CSMD2: variants seen among roughly 807,000 people sequenced by gnomAD.
CSMD2 encodes the protein CUB and sushi domain-containing protein 2.
Under a neutral mutation model 398.5 loss-of-function variants are expected in CSMD2, and 130 were observed. The observed-to-expected ratio is 0.33, with a 90% CI of 0.28 to 0.38. The LOEUF (loss-of-function observed/expected upper bound fraction) is 0.38. Among genes scored for constraint, CSMD2 ranks in the 10% least tolerant of loss-of-function variants. The pLI, the probability that CSMD2 is intolerant of heterozygous loss-of-function variation, is 1.00. For synonymous variants in CSMD2, 1,828 were observed against 1,908.5 expected (o/e 0.96, Z 1.10); for missense variants, 3,829 against 4,764.9 (o/e 0.80, Z 5.78).
At chr1:33,973,629 G>A (rs1159668210) in intron 3 of CSMD2, among the ~76,000 whole-genome samples, 1 of 152,182 alleles carries the variant, frequency 6.6e-6, no homozygotes, top group African/African-American at 2.4e-5. Flanking sequence ...GCCTGTTAGT[G>A]CAGGAAAATG....
At chr1:33,890,385 C>T (rs560018840) in intron 5 of CSMD2, among the ~76,000 whole-genome samples, 2 of 151,942 alleles carry the variant, frequency 1.3e-5, no homozygotes, top group South Asian at 2.1e-4. Flanking sequence ...CGTCTGCCAC[C>T]ACGCCTGGCT....
chr1:33,953,675 G>A (rs74807359), intron 3 of CSMD2, among the ~76,000 whole-genome samples: 1,586 of 152,236 alleles, frequency 0.01, 16 homozygotes, highest in Non-Finnish European at 0.017. Context: ...ACAGGCCCCC[G>A]AGTTCAGGCA....
At chr1:33,645,372 C>T (rs1465913568) in intron 29 of CSMD2, among the ~76,000 whole-genome samples, 2 of 151,076 alleles carry the variant, frequency 1.3e-5, no homozygotes, top group African/African-American at 4.9e-5. Flanking sequence ...CACACACACA[C>T]ACACACACAC....
At chr1:34,008,885 G>T (rs1647150421) in intron 3 of CSMD2, among the ~76,000 whole-genome samples, 1 of 152,140 alleles carries the variant, frequency 6.6e-6, no homozygotes, top group African/African-American at 2.4e-5. Context: ...ATGAATGAAT[G>T]AATGTTGATT....
At chr1:34,143,157 AT>A (rs1639459817) in intron 1 of CSMD2, among the ~76,000 whole-genome samples, 1 of 152,046 alleles carries the variant, frequency 6.6e-6, no homozygotes, top group African/African-American at 2.4e-5. Context: ...GAATATGATA[AT>A]CATATAAAAA....
chr1:33,952,529 G>T (rs1645038006), intron 3 of CSMD2, among the ~76,000 whole-genome samples: 1 of 152,038 alleles, frequency 6.6e-6, no homozygotes, highest in Non-Finnish European at 1.5e-5. Context: ...CAGCTATTCT[G>T]CCTCACCACC....
intron 13 of CSMD2, among the ~76,000 whole-genome samples, chr1:33,756,514 T>C (rs74465818): frequency 0.025 from 3,791 of 152,272 alleles, 50 homozygotes; most frequent in South Asian, 0.03. Flanking sequence ...TGGACTGTGG[T>C]CTGATGATAA....
intron 25 of CSMD2, among the ~76,000 whole-genome samples, chr1:33,675,947 T>C (rs950211089): frequency 6.6e-6 from 1 of 152,216 alleles, no homozygotes; most frequent in Non-Finnish European, 1.5e-5. Context: ...TAGGTATTGA[T>C]GGGACGTATC....
chr1:34,126,471 C>A (rs144880641), intron 1 of CSMD2, among the ~76,000 whole-genome samples: 1 of 152,348 alleles, frequency 6.6e-6, no homozygotes, highest in African/African-American at 2.4e-5. Context: ...GGTGGCACAG[C>A]TGAAGCATTT....
At chr1:33,747,385 G>A (rs1199103390) in intron 13 of CSMD2, among the ~76,000 whole-genome samples, 1 of 152,182 alleles carries the variant, frequency 6.6e-6, no homozygotes, top group Admixed American at 6.5e-5. Context: ...AAGGAGATAT[G>A]CTAATTTGCT....
At chr1:33,772,914 A>AT (rs1274551884) in intron 12 of CSMD2, among the ~76,000 whole-genome samples, 163 bp from the exon 13 acceptor site, 1 of 152,192 alleles carries the variant, frequency 6.6e-6, no homozygotes, top group Non-Finnish European at 1.5e-5. Context: ...GGTTTGTGAG[A>AT]AATCCTGCAA....
intron 12 of CSMD2, among the ~76,000 whole-genome samples, chr1:33,785,057 G>A (rs1247855539): frequency 6.6e-6 from 1 of 152,202 alleles, no homozygotes; most frequent in Non-Finnish European, 1.5e-5. Context: ...TAAACACCCA[G>A]ACTGTCCTTC....
chr1:33,542,978 C>A lies in CSMD2; in HGVS notation c.9101-82G>T. On this transcript the variant is annotated intron_variant, in intron 57 of 70. Coordinates refer to ENST00000373381, the MANE Select transcript of CSMD2 (RefSeq NM_001281956.2). ...GACTGATAACTGCCCAGAGTGGAAG[C>A]CACATGCTACCTCGGGACCTCGTGG... is the stretch of plus-strand genomic sequence containing the variant. The A allele has an allele frequency of 2.6e-6, 3 of 1,159,002 alleles. No individual in the cohort carries two copies. The South Asian group carries it at 4.5e-5, about 17-fold the overall frequency. 71.8% of individuals were successfully genotyped at this position (1,159,002 alleles called of 1,614,324 possible). A position where few individuals can be genotyped will look rare whatever the true frequency, so the allele number is the denominator to read the frequency against.
In CSMD2 at chr1:34,123,806, AG is replaced by A. The variant is rs558614492; in HGVS notation, c.188-34614del. Among the ~76,000 whole-genome samples, 1,458 of 152,010 alleles carry A rather than the reference AG, an allele frequency of 9.6e-3. 20 individuals are homozygous for A. Among genetic ancestry groups the A allele is most frequent in the African/African-American group, 0.034 (1,396 of 41,436 alleles). ...GTGTTGGTGGTGGCTGTGTGAGAGC[AG>A]GAAAAAAAAACAACAACATGGCTTA... On this transcript the variant is annotated intron_variant, in intron 1 of 70. Transcript: ENST00000373381.
rs750575576 is a variant in CSMD2 at position 33,633,726 on chromosome 1, G to A, written c.5087-191C>T. ...GGCCAGACACCCGGCACAGGGAGGC[G>A]GGGAGCTGGGAAGGCCGGGCTGGCC... On this transcript the variant is annotated intron_variant, in intron 31 of 70. Coordinates refer to ENST00000373381, the MANE Select transcript of CSMD2 (RefSeq NM_001281956.2). The surrounding 1 kb of genome is among the most constrained non-coding windows in gnomAD (Gnocchi z 5.0). Among the ~76,000 whole-genome samples, 1 of 152,160 alleles carries A rather than the reference G, an allele frequency of 6.6e-6. No homozygotes were observed. Among genetic ancestry groups the A allele is most frequent in the Non-Finnish European group, 1.5e-5 (1 of 68,018 alleles).
At chr1:33,683,771 T>C (rs1458132429) in intron 25 of CSMD2, among the ~76,000 whole-genome samples, 2 of 152,254 alleles carry the variant, frequency 1.3e-5, no homozygotes, top group Non-Finnish European at 2.9e-5. Context: ...CTTCAAAAAA[T>C]GTGTACATTC....
chr1:34,082,470 C>T (rs570349327), intron 2 of CSMD2, among the ~76,000 whole-genome samples: 227 of 151,928 alleles, frequency 1.5e-3, no homozygotes, highest in African/African-American at 5.3e-3. Context: ...GCGCCCACGC[C>T]CGGCAGCCAC....
intron 27 of CSMD2, among the ~76,000 whole-genome samples, chr1:33,653,419 T>C (rs1643866080): frequency 6.6e-6 from 1 of 152,238 alleles, no homozygotes; most frequent in East Asian, 1.9e-4. Flanking sequence ...GCTGGTCTCC[T>C]ACGCTGCCAG....
chr1:33,700,908 C>A (rs1645591665), intron 22 of CSMD2, among the ~76,000 whole-genome samples: 1 of 152,214 alleles, frequency 6.6e-6, no homozygotes, highest in East Asian at 1.9e-4. Flanking sequence ...TGAATCTAGT[C>A]TTTGGGAACT....
Sources: allele counts gnomAD v4.1 joint callset (sites outside exome capture counted in the v4.1 genomes callset), GRCh38; gene constraint gnomAD v4.1.1; non-coding constraint Gnocchi (gnomAD v3.1); transcripts MANE v1.5; gene names NCBI Gene and HGNC (gene_info 2026-07-23, HGNC 2026-07-21).